The following KCNQ5 variants were observed in gnomAD, a reference collection of about 807,000 sequenced individuals.
KCNQ5 encodes potassium voltage-gated channel subfamily KQT member 5.
A neutral mutation model predicts 98.2 loss-of-function variants in KCNQ5; 30 were observed. The ratio of observed to expected loss-of-function variants is 0.31; its 90% CI spans 0.23 to 0.41. The LOEUF is 0.41. Among genes scored for constraint, KCNQ5 ranks in the 10% least tolerant of loss-of-function variants. The pLI is 1.00. For synonymous variants in KCNQ5, 458 were observed against 449.4 expected (o/e 1.02, Z -0.24); for missense variants, 835 against 1,182.5 (o/e 0.71, Z 4.31).
At chr6:73,087,452 CTG>C (rs35690891) in intron 5 of KCNQ5, among the ~76,000 whole-genome samples, 133,273 of 152,022 alleles carry the variant, frequency 0.88, 59,034 homozygotes, top group South Asian at 0.96. Flanking sequence ...AGTTAAATGA[CTG>C]TGTGACATCT....
At chr6:72,760,053 AT>A (rs913429460) in intron 1 of KCNQ5, among the ~76,000 whole-genome samples, 1 of 152,150 alleles carries the variant, frequency 6.6e-6, no homozygotes, top group African/African-American at 2.4e-5. Context: ...AACATTCAGC[AT>A]TTCTTCCCCA....
At chr6:72,937,351 G>A (rs187691459) in intron 1 of KCNQ5, among the ~76,000 whole-genome samples, 6 of 152,204 alleles carry the variant, frequency 3.9e-5, no homozygotes, top group Admixed American at 3.3e-4. Context: ...GCTTGAACCA[G>A]CAAGAATCTG....
chr6:73,098,813 A>G (rs111780987), intron 5 of KCNQ5, among the ~76,000 whole-genome samples: 2,658 of 152,296 alleles, frequency 0.017, 64 homozygotes, highest in African/African-American at 0.058. Flanking sequence ...ATCTAAGGGT[A>G]GAAAACTCAC....
chr6:73,190,092 C>A (rs1475055256), intron 11 of KCNQ5, among the ~76,000 whole-genome samples: 16 of 145,668 alleles, frequency 1.1e-4, no homozygotes, highest in Non-Finnish European at 2.4e-4. Flanking sequence ...AAAAAAAAAA[C>A]ACAAATTTCC....
At chr6:73,000,405 A>C (rs1562120048) in intron 1 of KCNQ5, among the ~76,000 whole-genome samples, 1 of 152,126 alleles carries the variant, frequency 6.6e-6, no homozygotes, top group Non-Finnish European at 1.5e-5. Context: ...TATTTACCAA[A>C]ACTTTATATG....
At chr6:73,018,602 T>C (rs950185686) in intron 2 of KCNQ5, among the ~76,000 whole-genome samples, 7 of 152,150 alleles carry the variant, frequency 4.6e-5, no homozygotes, top group Admixed American at 1.3e-4. Context: ...AGGCATGGCA[T>C]ACATTATATA....
chr6:72,941,300 TCTTCCTTCCTTC>T (rs138041794), intron 1 of KCNQ5, among the ~76,000 whole-genome samples: 1 of 147,266 alleles, frequency 6.8e-6, no homozygotes, highest in South Asian at 2.2e-4. Context: ...GCCCTGCTCA[TCTTCCTTCCTTC>T]CTTCCTTCTT....
chr6:73,111,462 AT>A (rs1355545839), intron 7 of KCNQ5, 59 bp downstream of exon 7: 2 of 1,087,952 alleles, frequency 1.8e-6, no homozygotes, highest in Non-Finnish European at 2.7e-6. Context: ...TTGATGGGTC[AT>A]TTTCCAATCT....
At chr6:72,696,746 T>C (rs1004355901) in intron 1 of KCNQ5, among the ~76,000 whole-genome samples, 9 of 152,162 alleles carry the variant, frequency 5.9e-5, no homozygotes, top group African/African-American at 2.2e-4. Flanking sequence ...GGATTTATAA[T>C]TGGAAACACC....
intron 1 of KCNQ5, among the ~76,000 whole-genome samples, chr6:72,714,356 C>T (rs1254777083): frequency 6.6e-6 from 1 of 151,892 alleles, no homozygotes; most frequent in Non-Finnish European, 1.5e-5. Flanking sequence ...TTGTAAAGTT[C>T]TTGTCTCTGA....
intron 1 of KCNQ5, among the ~76,000 whole-genome samples, chr6:72,835,573 T>C (rs1776470738): frequency 6.6e-6 from 1 of 152,204 alleles, no homozygotes; most frequent in East Asian, 1.9e-4. Context: ...ATGTTATTTA[T>C]TATAATACAT....
rs182485801 is a variant in KCNQ5, at chr6:72,803,337, T to C, written c.398+180750T>C. ...GATAGTTAATGGGAGAAAAGTCACC[T>C]CACTGCCTCATTGCTAACTACTAAG... On this transcript the variant is annotated intron_variant, in intron 1 of 13. Transcript: ENST00000370398. Among the ~76,000 whole-genome samples, 20 of 152,294 alleles carry C rather than the reference T, an allele frequency of 1.3e-4. No individual in the cohort carries two copies. The East Asian group carries it at 3.9e-3, about 29-fold the overall frequency.
At chr6:72,718,278 C>T (rs78174450) in intron 1 of KCNQ5, among the ~76,000 whole-genome samples, 3,588 of 152,034 alleles carry the variant, frequency 0.024, 71 homozygotes, top group African/African-American at 0.048. Flanking sequence ...GTATGAATAG[C>T]TAATTATGTT....
At chr6:72,781,844 C>G (rs1773492746) in intron 1 of KCNQ5, among the ~76,000 whole-genome samples, 1 of 152,082 alleles carries the variant, frequency 6.6e-6, no homozygotes, top group South Asian at 2.1e-4. Flanking sequence ...CTGGAAATAT[C>G]AGGAGATGTT....
chr6:72,703,991 G>A (rs900897108), intron 1 of KCNQ5, among the ~76,000 whole-genome samples: 7 of 152,080 alleles, frequency 4.6e-5, no homozygotes, highest in Non-Finnish European at 7.4e-5. Context: ...TAAAACATTT[G>A]GCAAAACCAT....
At chr6:72,938,626 C>T (rs1450274119) in intron 1 of KCNQ5, among the ~76,000 whole-genome samples, 1 of 152,144 alleles carries the variant, frequency 6.6e-6, no homozygotes, top group Non-Finnish European at 1.5e-5. Flanking sequence ...CTCAAGCAAT[C>T]TCCCTGCCTT....
intron 1 of KCNQ5, among the ~76,000 whole-genome samples, chr6:72,862,367 G>T (rs1125083): frequency 0.78 from 119,005 of 152,166 alleles, 46,866 homozygotes; most frequent in South Asian, 0.87. Flanking sequence ...GATACACTAA[G>T]AGCTGAAGAG....
At chr6:72,861,966 T>G (rs1402622962) in intron 1 of KCNQ5, among the ~76,000 whole-genome samples, 2 of 152,192 alleles carry the variant, frequency 1.3e-5, no homozygotes, top group African/African-American at 4.8e-5. Context: ...TTTCCTGCCC[T>G]CTGCCAGTTT....
intron 1 of KCNQ5, among the ~76,000 whole-genome samples, chr6:72,789,574 A>G (rs1026662666): frequency 6.6e-6 from 1 of 152,374 alleles, no homozygotes; most frequent in Non-Finnish European, 1.5e-5. Context: ...CTTGTTATAG[A>G]AAGAGTATCA....
Sources: allele counts gnomAD v4.1 joint callset (sites outside exome capture counted in the v4.1 genomes callset), GRCh38; gene constraint gnomAD v4.1.1; transcripts MANE v1.5; gene names NCBI Gene and HGNC (gene_info 2026-07-23, HGNC 2026-07-21).